The following C9orf50 variants were observed in gnomAD, a reference collection of about 807,000 sequenced individuals.
The protein encoded by C9orf50 is uncharacterized protein C9orf50.
In C9orf50, 33 loss-of-function variants were observed where a neutral mutation model predicts 42.5. The observed-to-expected ratio is 0.78, with a 90% CI of 0.59 to 1.04. The LOEUF is 1.04. C9orf50 is among the 50% of genes least tolerant of loss of function. The pLI is 0.00. For missense variants in C9orf50, 547 were observed against 594.3 expected, an observed-to-expected ratio of 0.92 and a Z score of 0.83; for synonymous variants, 257 against 273.4, an observed-to-expected ratio of 0.94 and a Z score of 0.59.
At chr9:129,615,592 A>C (rs139027519) in exon 4 of C9orf50, 5 of 1,605,564 alleles carry the variant, frequency 3.1e-6, no homozygotes, top group African/African-American at 1.3e-5. Context: ...CCTTCCCCCG[A>C]GGGGTTGTGG....
chr9:129,613,183 G>T lies in C9orf50; in HGVS notation c.1112C>A (p.Ser371Ter). 6.2e-7 allele frequency: 1 copy of T among 1,613,688 alleles called. No individual in the cohort carries two copies. Among genetic ancestry groups the T allele is most frequent in the Non-Finnish European group, 8.5e-7 (1 of 1,180,004 alleles). The change falls in exon 6 of 7, where the codon TCA becomes TAA. Residue 371 changes from serine to a stop codon, truncating the protein, a stop_gained. Coordinates refer to ENST00000372478, the Ensembl canonical transcript of C9orf50. LOFTEE classifies it high-confidence loss of function. This position sits in a 1 kb window ranked among gnomAD's most constrained non-coding sequence, Gnocchi z 6.2. ...CCTCTGAGCAGCGGCCTTCTTCCAT[G>T]AACAGAAGGGCAGGCTGCTGTTCAT... is the stretch of plus-strand genomic sequence containing the variant.
Position 129,613,560 on chromosome 9 carries a change from C to G in C9orf50, c.918G>C (p.Leu306=), listed in dbSNP as rs762281716. 6.2e-7 allele frequency: 1 copy of G among 1,614,184 alleles called. No homozygotes were observed. The change falls in exon 5 of 7, where the codon CTG becomes CTC. Residue 306 remains leucine, a synonymous_variant. Coordinates refer to ENST00000372478, the Ensembl canonical transcript of C9orf50. This position sits in a 1 kb window ranked among gnomAD's most constrained non-coding sequence, Gnocchi z 6.2. ...CAAACACCCGCTCGGACGCCACTGG[C>G]AGGGCGGCCTTCTGGTTCACAATGA...
At chr9:129,621,647 C>T (rs1564340650), upstream of C9orf50, among the ~76,000 whole-genome samples, 1 of 152,298 alleles carries the variant, frequency 6.6e-6, no homozygotes, top group East Asian at 1.9e-4. Flanking sequence ...GGATCACAGG[C>T]GTGAGTCCCC....
At chr9:129,618,872 T>G (rs1455235285) in intron 3 of C9orf50, among the ~76,000 whole-genome samples, 11 of 147,632 alleles carry the variant, frequency 7.5e-5, no homozygotes, top group Admixed American at 2.7e-4. Context: ...TTTTGTGTTT[T>G]TTTTTTTTTT....
chr9:129,612,982 G>A, intron 6 of C9orf50, 125 bp downstream of exon 6: 1 of 1,240,428 alleles, frequency 8.1e-7, no homozygotes, highest in Admixed American at 2.3e-5. Flanking sequence ...CCCCCACGGT[G>A]ACTTGGCTCT....
At chr9:129,616,700 G>A (rs1342521151) in intron 3 of C9orf50, among the ~76,000 whole-genome samples, 2 of 152,142 alleles carry the variant, frequency 1.3e-5, no homozygotes, top group East Asian at 1.9e-4. Flanking sequence ...CATGTAGGAC[G>A]TGGCCTGGCA....
At chr9:129,619,717 C>T (rs761678064) in intron 2 of C9orf50, 23 bp downstream of exon 2, 25 of 1,613,428 alleles carry the variant, frequency 1.5e-5, no homozygotes, top group Non-Finnish European at 1.4e-5. Context: ...CCCGTCCCCA[C>T]CAAGAAGCGG....
At position 129,614,701 on chromosome 9, in the gene C9orf50, G is replaced by A. The variant is rs890190559; in HGVS notation, c.880+783C>T. Among the ~76,000 whole-genome samples the A allele has an allele frequency of 6.6e-6, 1 of 152,044 alleles. No homozygotes were observed. The highest frequency in any genetic ancestry group is 1.5e-5 in the Non-Finnish European group (1 of 68,000). Reference sequence around the variant, plus strand: ...GGTGGATCCCTGAGGTCAGGAGTTCGAGACCACCCTGGTCAACATGGAGAA... The same window carrying A: ...GGTGGATCCCTGAGGTCAGGAGTTCAAGACCACCCTGGTCAACATGGAGAA... On this transcript the variant is annotated intron_variant, in intron 4 of 6. Coordinates refer to ENST00000372478, the Ensembl canonical transcript of C9orf50. This position sits in a 1 kb window ranked among gnomAD's most constrained non-coding sequence, Gnocchi z 4.4.
intron 3 of C9orf50, among the ~76,000 whole-genome samples, chr9:129,618,452 G>A (rs1357403437): frequency 1.3e-5 from 2 of 152,056 alleles, no homozygotes; most frequent in Non-Finnish European, 2.9e-5. Context: ...ACTGATGGGT[G>A]AGTTAATGAA....
In C9orf50 at chr9:129,619,848, C is replaced by T; in HGVS notation, c.509-18G>A. 1 of 1,612,344 alleles carries T rather than the reference C, an allele frequency of 6.2e-7. No individual in the cohort carries two copies. The highest frequency in any genetic ancestry group is 8.5e-7 in the Non-Finnish European group (1 of 1,178,382). ...TGGGGATGCTGGAGCCAGGAGGAAA[C>T]AGTTGTGAGCCTTGGCTGGGGGACG... is the stretch of plus-strand genomic sequence containing the variant. On this transcript the variant is annotated intron_variant, in intron 1 of 6. Coordinates refer to ENST00000372478, the Ensembl canonical transcript of C9orf50.
chr9:129,619,603 C>T, exon 3 of C9orf50: 2 of 1,614,062 alleles, frequency 1.2e-6, no homozygotes, highest in South Asian at 1.1e-5. Flanking sequence ...GCGAAATCTT[C>T]GTAAGACTAT....
chr9:129,616,540 C>T (rs1467576709), intron 3 of C9orf50, among the ~76,000 whole-genome samples: 3 of 152,068 alleles, frequency 2.0e-5, no homozygotes, highest in Non-Finnish European at 4.4e-5. Context: ...CTTATTGTAA[C>T]TGTCTATCTC....
intron 3 of C9orf50, among the ~76,000 whole-genome samples, chr9:129,619,014 G>A (rs76862731): frequency 0.02 from 3,022 of 152,050 alleles, 100 homozygotes; most frequent in African/African-American, 0.07. Context: ...GTGCCCTGCC[G>A]AAGTGTGGGA....
chr9:129,619,604 G>A, exon 3 of C9orf50: 4 of 1,614,034 alleles, frequency 2.5e-6, no homozygotes, highest in Non-Finnish European at 2.5e-6. Flanking sequence ...CGAAATCTTC[G>A]TAAGACTATC....
intron 6 of C9orf50, 139 bp downstream of exon 6, chr9:129,612,968 C>G: frequency 9.0e-7 from 1 of 1,106,930 alleles, no homozygotes; most frequent in Non-Finnish European, 1.3e-6. Flanking sequence ...GTGGCCACTG[C>G]AAGCCCCCAC....
intron 3 of C9orf50, among the ~76,000 whole-genome samples, chr9:129,617,304 T>G (rs1022160917): frequency 1.3e-5 from 2 of 152,208 alleles, no homozygotes; most frequent in African/African-American, 4.8e-5. Context: ...CCTGGCTACA[T>G]GCCTTGGGAC....
At chr9:129,621,777 C>T (rs889011239), upstream of C9orf50, among the ~76,000 whole-genome samples, 2 of 152,184 alleles carry the variant, frequency 1.3e-5, no homozygotes, top group Admixed American at 6.5e-5. Flanking sequence ...CCACACCCCA[C>T]TCCCAGATTG....
intron 3 of C9orf50, among the ~76,000 whole-genome samples, chr9:129,615,907 A>G (rs1830354741): frequency 6.6e-6 from 1 of 152,228 alleles, no homozygotes; most frequent in Non-Finnish European, 1.5e-5. Context: ...TAGTTGAGGA[A>G]ACAGAGGCAC....
chr9:129,612,381 AGGAGGAGAT>A, exon 7 of C9orf50: 1 of 1,613,888 alleles, frequency 6.2e-7, no homozygotes, highest in Non-Finnish European at 8.5e-7. Flanking sequence ...TGCGGAGGCC[AGGAGGAGAT>A]GGTACCCCTT....
Sources: allele counts gnomAD v4.1 joint callset (sites outside exome capture counted in the v4.1 genomes callset), GRCh38; gene constraint gnomAD v4.1.1; non-coding constraint Gnocchi (gnomAD v3.1); transcripts MANE v1.5; gene names NCBI Gene and HGNC (gene_info 2026-07-23, HGNC 2026-07-21).